Variants in ESCO1 observed in about 807,000 individuals in gnomAD.
ESCO1 encodes N-acetyltransferase ESCO1.
Under a neutral mutation model 83.5 loss-of-function variants are expected in ESCO1, and 33 were observed. The observed-to-expected ratio is 0.40, with a 90% CI of 0.30 to 0.53. The LOEUF is 0.53. Among genes scored for constraint, ESCO1 ranks in the 20% least tolerant of loss-of-function variants. ESCO1 has a pLI of 0.63. For synonymous variants in ESCO1, 332 were observed against 324.3 expected (o/e 1.02, Z -0.25); for missense variants, 855 against 968.0 (o/e 0.88, Z 1.55).
Position 21,560,088 on chromosome 18 carries a change from T to C in ESCO1, c.1953+771A>G, listed in dbSNP as rs183246525. On this transcript the variant is annotated intron_variant, in intron 8 of 11. Coordinates refer to ENST00000269214, the MANE Select transcript of ESCO1 (RefSeq NM_052911.3). ...CTCAGTTCAGATATCCTGGAGGTCT[T>C]ATTAACGTGAGTGTACAGTACTGAA... is the stretch of plus-strand genomic sequence containing the variant. Among the ~76,000 whole-genome samples, 516 of 152,222 alleles carry C rather than the reference T, an allele frequency of 3.4e-3. 2 individuals are homozygous for C. The highest frequency in any genetic ancestry group is 6.0e-3 in the Non-Finnish European group (406 of 67,992).
intron 8 of ESCO1, among the ~76,000 whole-genome samples, chr18:21,559,091 C>T (rs1232945028): frequency 6.6e-6 from 1 of 152,176 alleles, no homozygotes; most frequent in Non-Finnish European, 1.5e-5. Flanking sequence ...TCTCTCCATA[C>T]ACTATAGAAT....
At chr18:21,551,821 C>T (rs2038051326) in intron 8 of ESCO1, among the ~76,000 whole-genome samples, 1 of 152,176 alleles carries the variant, frequency 6.6e-6, no homozygotes, top group African/African-American at 2.4e-5. Flanking sequence ...GAACAGAAAA[C>T]TACAGTTTCA....
chr18:21,571,243 A>G (rs1194738862), intron 4 of ESCO1, among the ~76,000 whole-genome samples: 1 of 151,980 alleles, frequency 6.6e-6, no homozygotes, highest in Non-Finnish European at 1.5e-5. Context: ...GCTGGAGTAC[A>G]GTGGCGTGAT....
In ESCO1 at chr18:21,575,875, C is replaced by G. The variant is rs1040122843; in HGVS notation, c.-693-98G>C. On this transcript the variant is annotated intron_variant, in intron 2 of 11. Coordinates refer to ENST00000269214, the MANE Select transcript of ESCO1 (RefSeq NM_052911.3). ...CAAATATAACGCTCCATAATTTCAT[C>G]CTGTCCTACCATTAGTCATTATTTC... is the stretch of plus-strand genomic sequence containing the variant. 2.6e-4 allele frequency: 102 copies of G among 387,852 alleles called. 1 individual carries two copies. Among genetic ancestry groups the G allele is most frequent in the Admixed American group, 2.0e-4 (4 of 20,512 alleles). 24.0% of individuals were successfully genotyped at this position (387,852 alleles called of 1,614,324 possible).
chr18:21,542,639 A>C (rs2037921512), intron 8 of ESCO1, among the ~76,000 whole-genome samples: 1 of 152,240 alleles, frequency 6.6e-6, no homozygotes, highest in Admixed American at 6.5e-5. Context: ...TCAATGCACT[A>C]ATCTAACAAA....
chr18:21,589,203 C>T (rs1033541722), intron 1 of ESCO1, among the ~76,000 whole-genome samples: 2 of 151,038 alleles, frequency 1.3e-5, no homozygotes, highest in African/African-American at 4.9e-5. Flanking sequence ...TGCACCACTG[C>T]ACTCCAGCCT....
At position 21,574,617 on chromosome 18, in the gene ESCO1, T is replaced by C; in HGVS notation, c.227A>G (p.Asn76Ser). 6.2e-7 allele frequency: 1 copy of C among 1,614,050 alleles called. No homozygotes were observed. The highest frequency in any genetic ancestry group is 8.5e-7 in the Non-Finnish European group (1 of 1,180,002). The part of the protein sequence containing the change: ...MSTRSSKAAS[N>S]DKATKSINKN... ...ATTAATGGATTTAGTAGCTTTATCA[T>C]TAGATGCTGCCTTTGATGACCTTGT... The change falls in exon 4 of 12, where the codon AAT becomes AGT. Residue 76 changes from asparagine (N) to serine (S), a missense_variant. Around this residue, in one of 2 missense-constraint regions of ESCO1, gnomAD observed 726 missense variants for 699.5 expected, o/e 1.04. Transcript: ENST00000269214.
chr18:21,537,534 AAAAAC>A (rs1174339289), intron 9 of ESCO1, among the ~76,000 whole-genome samples: 2 of 152,136 alleles, frequency 1.3e-5, no homozygotes, highest in East Asian at 1.9e-4. Context: ...AATTCTCTTA[AAAAAC>A]AAAACAAAAC....
chr18:21,575,980 C>T (rs936058635), intron 2 of ESCO1, among the ~76,000 whole-genome samples: 8 of 152,000 alleles, frequency 5.3e-5, no homozygotes, highest in African/African-American at 1.9e-4. Context: ...GACTAGTAGG[C>T]ATTCATTCAT....
At chr18:21,560,818 T>C (rs2038175026) in intron 8 of ESCO1, 41 bp downstream of exon 8, 1 of 1,588,500 alleles carries the variant, frequency 6.3e-7, no homozygotes, top group South Asian at 1.2e-5. Context: ...CCGACCTAAT[T>C]ATCTGATTTT....
Position 21,575,124 on chromosome 18 carries a change from AGTTT to A in ESCO1, c.-285_-282del, listed in dbSNP as rs997033756. On this transcript the variant is annotated 5_prime_UTR_variant, in exon 4 of 12. Coordinates refer to ENST00000269214, the MANE Select transcript of ESCO1 (RefSeq NM_052911.3). Reference sequence around the variant, plus strand: ...AGGAAAATTTTGATTATTTTTAATAAGTTTTTTTATCAAAAGAAATTTAATTCAG... The same window carrying A: ...AGGAAAATTTTGATTATTTTTAATAATTTTATCAAAAGAAATTTAATTCAG... 7 of 368,136 alleles carry A rather than the reference AGTTT, an allele frequency of 1.9e-5. No homozygotes were observed. Among genetic ancestry groups the A allele is most frequent in the African/African-American group, 1.2e-4 (6 of 48,022 alleles). 22.8% of individuals were successfully genotyped at this position (368,136 alleles called of 1,614,324 possible). A position where few individuals can be genotyped will look rare whatever the true frequency, so the allele number is the denominator to read the frequency against.
chr18:21,531,436 C>CA (rs1833377567), intron 11 of ESCO1, among the ~76,000 whole-genome samples: 1 of 150,392 alleles, frequency 6.6e-6, no homozygotes, highest in Non-Finnish European at 1.5e-5. Context: ...ATGCTGTCTC[C>CA]AAAAAAGAAA....
intron 8 of ESCO1, among the ~76,000 whole-genome samples, chr18:21,545,259 AG>A (rs2037958710): frequency 6.6e-6 from 1 of 152,162 alleles, no homozygotes; most frequent in African/African-American, 2.4e-5. Flanking sequence ...ACATGTTATA[AG>A]TCAGTAAAAA....
At position 21,553,878 on chromosome 18, in the gene ESCO1, C is replaced by A. The variant is rs866109116; in HGVS notation, c.1953+6981G>T. On this transcript the variant is annotated intron_variant, in intron 8 of 11. Transcript: ENST00000269214. ...AAACTCTGTCAAAAAAAAAAAAAAA[C>A]ACAAACACACAAAAAAAACCGTTAC... is the stretch of plus-strand genomic sequence containing the variant. Among the ~76,000 whole-genome samples, 304 of 143,684 alleles carry A rather than the reference C, an allele frequency of 2.1e-3. 2 individuals are homozygous for A. Among genetic ancestry groups the A allele is most frequent in the African/African-American group, 6.9e-3 (275 of 39,624 alleles). The allele number at this position is 143,684 out of a possible 152,430, so 94.3% of individuals were successfully genotyped here.
chr18:21,595,925 C>G (rs2038760075), intron 1 of ESCO1, among the ~76,000 whole-genome samples: 1 of 151,852 alleles, frequency 6.6e-6, no homozygotes, highest in South Asian at 2.1e-4. Context: ...GATCACGCCA[C>G]TGCACTCCAC....
At chr18:21,600,280 G>A (rs2038824947) in intron 1 of ESCO1, among the ~76,000 whole-genome samples, 1 of 152,238 alleles carries the variant, frequency 6.6e-6, no homozygotes, top group Non-Finnish European at 1.5e-5. Context: ...GCCACCTCGG[G>A]GCTCCCGGAG....
rs2037739559 is a variant in ESCO1 at position 21,529,490 on chromosome 18, A to T, written c.*853T>A. ...AGTGCAGTATTTCTGAGGAATAACAAAGCAGATACCGAGTCATCCATACTT... is the reference window on the plus strand; with the variant it reads ...AGTGCAGTATTTCTGAGGAATAACATAGCAGATACCGAGTCATCCATACTT... On this transcript the variant is annotated 3_prime_UTR_variant, in exon 12 of 12. Transcript: ENST00000269214. The T allele has an allele frequency of 6.6e-6, 1 of 152,220 alleles. No homozygotes were observed. The highest frequency in any genetic ancestry group is 2.4e-5 in the African/African-American group (1 of 41,452). The allele number at this position is 152,220 out of a possible 1,614,324, so 9.4% of individuals were successfully genotyped here.
At chr18:21,542,843 C>A (rs1457773848) in intron 8 of ESCO1, among the ~76,000 whole-genome samples, 1 of 152,148 alleles carries the variant, frequency 6.6e-6, no homozygotes, top group Non-Finnish European at 1.5e-5. Context: ...AACTTAGAGG[C>A]GATAAAGTCC....
At chr18:21,568,182 T>C in intron 4 of ESCO1, 88 bp from the exon 5 acceptor site, 1 of 951,168 alleles carries the variant, frequency 1.1e-6, no homozygotes, top group Non-Finnish European at 1.6e-6. Context: ...TAAAAAAATT[T>C]AACATACTTT....
Sources: gnomAD v4.1 joint callset for allele counts (sites outside exome capture counted in the v4.1 genomes callset) on GRCh38, gnomAD v4.1.1 for gene constraint, gnomAD v4.1.1 regional missense constraint, MANE v1.5 for transcripts, NCBI Gene and HGNC (gene_info 2026-07-23, HGNC 2026-07-21) for gene names.